ZFP1: variants seen among roughly 807,000 people sequenced by gnomAD.
ZFP1 encodes zinc finger protein 1 homolog.
In ZFP1, 32 loss-of-function variants were observed where a neutral mutation model predicts 38.5. The ratio of observed to expected loss-of-function variants is 0.83; its 90% CI spans 0.63 to 1.12. The LOEUF (loss-of-function observed/expected upper bound fraction) is 1.12, where lower values mean the gene tolerates loss of function less well. Ranked by LOEUF, ZFP1 falls within the 50% of genes most tolerant of loss-of-function variation. The pLI is 0.00. For missense variants in ZFP1, 616 were observed against 480.8 expected (o/e 1.28, Z -2.63); for synonymous variants, 245 against 168.8 (o/e 1.45, Z -3.50).
the ZFP1 span, among the ~76,000 whole-genome samples, chr16:75,125,740 C>G: frequency 5.3e-5 from 8 of 151,982 alleles, no homozygotes; most frequent in Admixed American, 5.2e-4. Context: ...AATCTCTTCT[C>G]TTAAAGAATG....
Position 75,158,311 on chromosome 16 carries a change from C to T in ZFP1, c.15+5345C>T, listed in dbSNP as rs1435113347. On this transcript the variant is annotated intron_variant, in intron 2 of 3. Transcript: ENST00000570010. ...CACAGCTCACTGCAGCCTCAAGTTC[C>T]TTGATCCAGCCTATTTCTGTCTATT... Among the ~76,000 whole-genome samples, 4 of 150,568 alleles carry T rather than the reference C, an allele frequency of 2.7e-5. No individual in the cohort carries two copies. The East Asian group carries it at 7.8e-4, about 29-fold the overall frequency.
Position 75,170,478 on chromosome 16 carries a change from A to G in ZFP1, c.*144A>G, listed in dbSNP as rs1043078088. ...AAAAATGTATTAAAAATAGGATCCC[A>G]TGAGAACATTATACTGGAAGTTACA... On this transcript the variant is annotated 3_prime_UTR_variant, in exon 4 of 4. Transcript: ENST00000570010. 8.1e-7 allele frequency: 1 copy of G among 1,228,170 alleles called. No individual in the cohort carries two copies. Among genetic ancestry groups the G allele is most frequent in the African/African-American group, 1.5e-5 (1 of 66,204 alleles). The allele number at this position is 1,228,170 out of a possible 1,614,324, so 76.1% of individuals were successfully genotyped here.
the ZFP1 span, among the ~76,000 whole-genome samples, chr16:75,135,576 C>T: frequency 7.2e-5 from 11 of 152,124 alleles, 1 homozygote; most frequent in East Asian, 5.8e-4. Context: ...AAGCTGTCCT[C>T]GAGTCTGGGC....
the ZFP1 span, among the ~76,000 whole-genome samples, chr16:75,140,005 A>G: frequency 6.6e-6 from 1 of 152,202 alleles, no homozygotes; most frequent in Admixed American, 6.5e-5. Context: ...ATAGTGGCTC[A>G]TGCCTGTAAT....
chr16:75,161,875 C>T (rs2037808815), intron 2 of ZFP1, among the ~76,000 whole-genome samples: 1 of 144,642 alleles, frequency 6.9e-6, no homozygotes, highest in African/African-American at 2.6e-5. Context: ...CCCTCCACCT[C>T]CCAGGTTCAA....
the ZFP1 span, among the ~76,000 whole-genome samples, chr16:75,125,334 G>T: frequency 6.6e-6 from 1 of 152,042 alleles, no homozygotes; most frequent in Non-Finnish European, 1.5e-5. Flanking sequence ...TTTGTTTGTT[G>T]TTTTGTGACG....
the ZFP1 span, among the ~76,000 whole-genome samples, chr16:75,140,239 G>T: frequency 1.3e-5 from 2 of 150,612 alleles, no homozygotes; most frequent in Non-Finnish European, 2.9e-5. Context: ...TTGCACTCCA[G>T]CCTGGGCAAC....
chr16:75,152,734 G>A (rs1187104617), intron 1 of ZFP1, among the ~76,000 whole-genome samples, 175 bp from the exon 2 acceptor site: 1 of 152,206 alleles, frequency 6.6e-6, no homozygotes, highest in Non-Finnish European at 1.5e-5. Flanking sequence ...ATGTTAGATT[G>A]AAGATAGGTG....
chr16:75,168,800 T>C (rs2038246579), intron 3 of ZFP1, among the ~76,000 whole-genome samples: 1 of 152,194 alleles, frequency 6.6e-6, no homozygotes, highest in Non-Finnish European at 1.5e-5. Flanking sequence ...TCTACCATAG[T>C]AGTCCGAGTT....
the ZFP1 span, among the ~76,000 whole-genome samples, chr16:75,124,831 G>C: frequency 7.2e-6 from 1 of 138,048 alleles, no homozygotes; most frequent in African/African-American, 2.7e-5. Context: ...GGGAATAAAA[G>C]AGATGTAAAA....
chr16:75,166,940 A>G lies in ZFP1; in HGVS notation c.142+44A>G, dbSNP rs753939292. ...TACAGCTCACCATGTGCCTAGAGGTATTTATGTCCTGTCTCAGTGACCAGA... is the reference window on the plus strand; with the variant it reads ...TACAGCTCACCATGTGCCTAGAGGTGTTTATGTCCTGTCTCAGTGACCAGA... On this transcript the variant is annotated intron_variant, in intron 3 of 3. Transcript: ENST00000570010. 5.1e-6 allele frequency: 8 copies of G among 1,579,640 alleles called. No individual in the cohort carries two copies. In the Admixed American group the frequency reaches 5.5e-5, roughly 11 times the overall value.
At chr16:75,128,925 G>A in the ZFP1 span, among the ~76,000 whole-genome samples, 5 of 152,144 alleles carry the variant, frequency 3.3e-5, no homozygotes, top group Admixed American at 3.3e-4. Flanking sequence ...CAAGTAGCTG[G>A]GATTACAGGA....
chr16:75,136,977 T>C, the ZFP1 span, among the ~76,000 whole-genome samples: 1 of 152,130 alleles, frequency 6.6e-6, no homozygotes, highest in Non-Finnish European at 1.5e-5. Flanking sequence ...CAAGGGGTCC[T>C]AAAAATAATA....
At chr16:75,135,236 A>T in the ZFP1 span, among the ~76,000 whole-genome samples, 1 of 145,184 alleles carries the variant, frequency 6.9e-6, no homozygotes, top group African/African-American at 2.5e-5. Flanking sequence ...AAAAAAAACC[A>T]CTGGAAACAG....
In ZFP1 at chr16:75,170,615, C is replaced by T. The variant is rs755496415; in HGVS notation, c.*281C>T. ...TCTTGAATGAATTGAGTATTCTAGA[C>T]AGCAGCATAAGAAATATACAAACAG... On this transcript the variant is annotated 3_prime_UTR_variant, in exon 4 of 4. Coordinates refer to ENST00000570010, the MANE Select transcript of ZFP1 (RefSeq NM_153688.4). The T allele has an allele frequency of 3.1e-6, 1 of 319,174 alleles. No individual in the cohort carries two copies. Among genetic ancestry groups the T allele is most frequent in the African/African-American group, 2.1e-5 (1 of 47,224 alleles). The allele number at this position is 319,174 out of a possible 1,614,324, so 19.8% of individuals were successfully genotyped here.
At chr16:75,155,547 T>C (rs1220480478) in intron 2 of ZFP1, among the ~76,000 whole-genome samples, 1 of 152,252 alleles carries the variant, frequency 6.6e-6, no homozygotes. Context: ...GTGACACATG[T>C]ACAGAATAGT....
At chr16:75,139,235 G>T in the ZFP1 span, among the ~76,000 whole-genome samples, 10 of 151,990 alleles carry the variant, frequency 6.6e-5, 1 homozygote, top group African/African-American at 2.4e-4. Context: ...CAGGTGTGGT[G>T]GCGGGTGCCT....
intron 3 of ZFP1, 97 bp downstream of exon 3, chr16:75,166,993 T>G: frequency 6.6e-7 from 1 of 1,524,928 alleles, no homozygotes. Context: ...CTAAATGTTT[T>G]TGGCCTAAGT....
intron 1 of ZFP1, among the ~76,000 whole-genome samples, chr16:75,150,186 A>T (rs12444288): frequency 0.78 from 117,535 of 149,736 alleles, 47,225 homozygotes; most frequent in Non-Finnish European, 0.87. Context: ...CATAATTTCC[A>T]AGTTTTTGGA....
Sources: allele counts gnomAD v4.1 joint callset (sites outside exome capture counted in the v4.1 genomes callset), GRCh38; gene constraint gnomAD v4.1.1; transcripts MANE v1.5; gene names NCBI Gene and HGNC (gene_info 2026-07-23, HGNC 2026-07-21).